The following COG6 variants were observed in gnomAD, a reference collection of about 807,000 sequenced individuals.
COG6 encodes component of oligomeric golgi complex 6, also known as conserved oligomeric Golgi complex subunit 6.
Under a neutral mutation model 88.8 loss-of-function variants are expected in COG6, and 74 were observed. That is an observed-to-expected ratio of 0.83 (90% CI 0.69 to 1.01). COG6 has a LOEUF of 1.01. Among genes scored for constraint, COG6 ranks in the 50% least tolerant of loss-of-function variants. The probability of loss-of-function intolerance (pLI) is 0.00; values close to 1 mark genes in which losing one functional copy is unlikely to be tolerated. For missense variants in COG6, 800 were observed against 797.9 expected (o/e 1.00, Z -0.03); for synonymous variants, 286 against 278.7 (o/e 1.03, Z -0.26).
chr13:39,658,693 T>C (rs1331706653), intron 1 of COG6, among the ~76,000 whole-genome samples: 1 of 152,188 alleles, frequency 6.6e-6, no homozygotes, highest in Admixed American at 6.5e-5. Flanking sequence ...TTAGGGTCTT[T>C]GTACTCATTG....
chr13:39,788,310 T>G, intron 18 of COG6: 1 of 1,551,596 alleles, frequency 6.4e-7, no homozygotes, highest in Non-Finnish European at 8.7e-7. Context: ...CAACATTGTC[T>G]TTGATTGTTG....
chr13:39,755,605 G>T (rs1026884739), downstream of COG6, among the ~76,000 whole-genome samples: 17 of 152,194 alleles, frequency 1.1e-4, no homozygotes, highest in Admixed American at 7.2e-4. Flanking sequence ...GAATCTAGAA[G>T]GCTCTGTGCA....
At chr13:39,711,564 C>T (rs1045150915) in intron 13 of COG6, among the ~76,000 whole-genome samples, 2 of 151,908 alleles carry the variant, frequency 1.3e-5, no homozygotes, top group African/African-American at 4.8e-5. Flanking sequence ...CTTTAGTTTC[C>T]TCATATATAA....
At chr13:39,708,531 C>T (rs1776650939) in intron 13 of COG6, among the ~76,000 whole-genome samples, 2 of 152,098 alleles carry the variant, frequency 1.3e-5, no homozygotes, top group South Asian at 4.1e-4. Flanking sequence ...ACATTTAGGC[C>T]TTCAATCCAT....
At chr13:39,729,122 A>C (rs1384347398) in intron 18 of COG6, among the ~76,000 whole-genome samples, 5 of 152,198 alleles carry the variant, frequency 3.3e-5, no homozygotes, top group African/African-American at 1.2e-4. Context: ...GAGAGATTTT[A>C]ATGTACTTTA....
At chr13:39,768,292 C>T (rs1262488127) in intron 18 of COG6, among the ~76,000 whole-genome samples, 1 of 152,216 alleles carries the variant, frequency 6.6e-6, no homozygotes, top group African/African-American at 2.4e-5. Flanking sequence ...CCCTGGGGAC[C>T]AGCTGGGCAG....
At chr13:39,663,188 T>C (rs978225374) in intron 3 of COG6, among the ~76,000 whole-genome samples, 4 of 152,012 alleles carry the variant, frequency 2.6e-5, no homozygotes, top group Non-Finnish European at 4.4e-5. Context: ...TTCATTAATA[T>C]TATTAAATAT....
chr13:39,771,565 G>A (rs1264198031), intron 18 of COG6, among the ~76,000 whole-genome samples: 1 of 152,238 alleles, frequency 6.6e-6, no homozygotes, highest in Non-Finnish European at 1.5e-5. Flanking sequence ...CAGGAGGACA[G>A]TCTTGGTTCC....
chr13:39,732,397 A>G (rs1292336188), intron 18 of COG6, among the ~76,000 whole-genome samples: 1 of 152,246 alleles, frequency 6.6e-6, no homozygotes, highest in Non-Finnish European at 1.5e-5. Context: ...ATGCTATTGC[A>G]GTGAGGAAGC....
At chr13:39,777,193 A>G (rs1438876307) in intron 18 of COG6, among the ~76,000 whole-genome samples, 1 of 152,158 alleles carries the variant, frequency 6.6e-6, no homozygotes, top group Non-Finnish European at 1.5e-5. Flanking sequence ...AGTAGGGGAG[A>G]TAAGCATTCA....
chr13:39,762,296 G>T (rs974513228), intron 18 of COG6, among the ~76,000 whole-genome samples: 1 of 151,704 alleles, frequency 6.6e-6, no homozygotes, highest in African/African-American at 2.4e-5. Flanking sequence ...TCTCACTCAG[G>T]TGAAAGATAA....
intron 11 of COG6, 48 bp from the exon 12 acceptor site, chr13:39,694,586 A>G (rs76099375): frequency 4.2e-6 from 5 of 1,177,382 alleles, no homozygotes; most frequent in Admixed American, 3.4e-5. Flanking sequence ...AATGAAAAAA[A>G]GTTATACTTT....
At chr13:39,711,065 G>T (rs1023848868) in intron 13 of COG6, among the ~76,000 whole-genome samples, 1 of 151,746 alleles carries the variant, frequency 6.6e-6, no homozygotes, top group Non-Finnish European at 1.5e-5. Flanking sequence ...GAAACAAATG[G>T]TAAACTCAAT....
chr13:39,773,391 A>C (rs1368527147), intron 18 of COG6, among the ~76,000 whole-genome samples: 1 of 152,236 alleles, frequency 6.6e-6, no homozygotes, highest in Non-Finnish European at 1.5e-5. Context: ...GACAAAGAGA[A>C]AGATAATTTA....
At position 39,727,529 on chromosome 13, in the gene COG6, C is replaced by T; in HGVS notation, c.1807C>T (p.Leu603Phe). The change falls in exon 18 of 19, where the codon CTT becomes TTT. Residue 603 changes from leucine to phenylalanine, a missense_variant. Coordinates refer to ENST00000455146, the MANE Select transcript of COG6 (RefSeq NM_020751.3). ...DNLLIPQLNF[L>F]LSATVKEQIV... ...CCTATTGATACCACAGCTGAACTTTCTTCTAAGTGCCACAGTGAAGTAAGT... is the reference window on the plus strand; with the variant it reads ...CCTATTGATACCACAGCTGAACTTTTTTCTAAGTGCCACAGTGAAGTAAGT... 1 of 1,612,734 alleles carries T rather than the reference C, an allele frequency of 6.2e-7. No homozygotes were observed. Among genetic ancestry groups the T allele is most frequent in the Non-Finnish European group, 8.5e-7 (1 of 1,178,906 alleles).
intron 18 of COG6, among the ~76,000 whole-genome samples, chr13:39,742,612 T>G: frequency 6.6e-6 from 1 of 152,040 alleles, no homozygotes; most frequent in Non-Finnish European, 1.5e-5. Context: ...AGCAAGTCCT[T>G]AGAGACCTAC....
intron 12 of COG6, among the ~76,000 whole-genome samples, chr13:39,696,827 G>A (rs1031730677): frequency 1.3e-5 from 2 of 151,140 alleles, no homozygotes; most frequent in African/African-American, 4.9e-5. Context: ...GGAAAATAAG[G>A]AAGATATTTA....
At position 39,751,528 on chromosome 13, in the gene COG6, G is replaced by GAGTAGGC; in HGVS notation, c.*437_*443dup. On this transcript the variant is annotated 3_prime_UTR_variant, in exon 19 of 19. Transcript: ENST00000455146. Reference sequence around the variant, plus strand: ...AGATTCATTTGCTTTCTTTTAATATGAGTAGGCATACTTAGTAGCTTTTCT... The same window carrying GAGTAGGC: ...AGATTCATTTGCTTTCTTTTAATATGAGTAGGCAGTAGGCATACTTAGTAGCTTTTCT... The GAGTAGGC allele has an allele frequency of 7.8e-7, 1 of 1,285,694 alleles. No homozygotes were observed. Among genetic ancestry groups the GAGTAGGC allele is most frequent in the Admixed American group, 2.3e-5 (1 of 43,530 alleles). The allele number at this position is 1,285,694 out of a possible 1,614,324, so 79.6% of individuals were successfully genotyped here. A position where few individuals can be genotyped will look rare whatever the true frequency, so the allele number is the denominator to read the frequency against.
intron 18 of COG6, among the ~76,000 whole-genome samples, chr13:39,729,924 G>A (rs1489826277): frequency 1.3e-5 from 2 of 152,138 alleles, no homozygotes; most frequent in Non-Finnish European, 2.9e-5. Context: ...ATTGAGTATT[G>A]TGTATGGATC....
Sources: allele counts gnomAD v4.1 joint callset (sites outside exome capture counted in the v4.1 genomes callset), GRCh38; gene constraint gnomAD v4.1.1; transcripts MANE v1.5; gene names NCBI Gene and HGNC (gene_info 2026-07-23, HGNC 2026-07-21).